Variants in SLC38A2 observed in about 807,000 individuals in gnomAD.
The protein encoded by SLC38A2 is solute carrier family 38 member 2, also known as sodium-coupled neutral amino acid symporter 2.
Under a neutral mutation model 61.5 loss-of-function variants are expected in SLC38A2, and 11 were observed. The observed-to-expected ratio is 0.18, with a 90% CI of 0.11 to 0.30. SLC38A2 has a LOEUF of 0.30. Ranked by LOEUF, SLC38A2 falls within the 10% of genes least tolerant of loss-of-function variation. The pLI, the probability that SLC38A2 is intolerant of heterozygous loss-of-function variation, is 1.00. For synonymous variants in SLC38A2, 217 were observed against 212.5 expected (o/e 1.02, Z -0.18); for missense variants, 522 against 600.4 (o/e 0.87, Z 1.36).
In SLC38A2 at chr12:46,364,715, G is replaced by GT. The variant is rs1247135012; in HGVS notation, c.647-14dup. 4 of 1,598,194 alleles carry GT rather than the reference G, an allele frequency of 2.5e-6. No homozygotes were observed. Among genetic ancestry groups the GT allele is most frequent in the Middle Eastern group, 1.7e-4 (1 of 5,998 alleles). On this transcript the variant is annotated splice_polypyrimidine_tract_variant and intron_variant, in intron 8 of 15. Transcript: ENST00000256689. ...TATCCCAAATATCCTATAAGGAGGGGTGGCAGGAATCAGTATTAGTTTAAT... is the reference window on the plus strand; with the variant it reads ...TATCCCAAATATCCTATAAGGAGGGGTTGGCAGGAATCAGTATTAGTTTAAT...
At position 46,370,958 on chromosome 12, in the gene SLC38A2, C is replaced by G. The variant is rs542493220; in HGVS notation, c.117-101G>C. The G allele has an allele frequency of 8.7e-6, 8 of 919,424 alleles. No homozygotes were observed. In the South Asian group the frequency reaches 9.1e-5, roughly 10 times the overall value. 57.0% of individuals were successfully genotyped at this position (919,424 alleles called of 1,614,324 possible). A position where few individuals can be genotyped will look rare whatever the true frequency, so the allele number is the denominator to read the frequency against. ...TAAAATACCCTCCAACAGCATAGCT[C>G]TGATACAACATCTTTACTTAATGTA... On this transcript the variant is annotated intron_variant, in intron 2 of 15. Transcript: ENST00000256689.
chr12:46,363,323 A>T (rs912470408), intron 12 of SLC38A2, among the ~76,000 whole-genome samples, 178 bp from the exon 13 acceptor site: 1 of 152,022 alleles, frequency 6.6e-6, no homozygotes, highest in Non-Finnish European at 1.5e-5. Context: ...TTGAAGGAAA[A>T]TTTTTCTAAA....
At chr12:46,363,261 A>C (rs1371431976) in intron 12 of SLC38A2, 116 bp from the exon 13 acceptor site, 1 of 1,179,714 alleles carries the variant, frequency 8.5e-7, no homozygotes, top group African/African-American at 1.5e-5. Flanking sequence ...ACTATAAACT[A>C]AGAGGCTAAT....
At position 46,360,955 on chromosome 12, in the gene SLC38A2, A is replaced by C. The variant is rs1943074488; in HGVS notation, c.*156T>G. 5.1e-6 allele frequency: 3 copies of C among 586,836 alleles called. No homozygotes were observed. In the South Asian group the frequency reaches 7.7e-5, roughly 15 times the overall value. 36.4% of individuals were successfully genotyped at this position (586,836 alleles called of 1,614,324 possible). A position where few individuals can be genotyped will look rare whatever the true frequency, so the allele number is the denominator to read the frequency against. On this transcript the variant is annotated 3_prime_UTR_variant, in exon 16 of 16. Transcript: ENST00000256689. Reference sequence around the variant, plus strand: ...AAGTTTCTTAAAAAAACAAAACAAAACAAAAAAGTTCACTTATTCTGCACT... The same window carrying C: ...AAGTTTCTTAAAAAAACAAAACAAACCAAAAAAGTTCACTTATTCTGCACT...
chr12:46,370,889 A>G (rs2120572026), intron 2 of SLC38A2, 32 bp from the exon 3 acceptor site: 1 of 1,515,742 alleles, frequency 6.6e-7, no homozygotes, highest in African/African-American at 1.4e-5. Context: ...ATAATTGTAA[A>G]CTGGATTGAA....
chr12:46,361,119 C>T lies in SLC38A2; in HGVS notation c.1513G>A (p.Gly505Ser). 6.2e-7 allele frequency: 1 copy of T among 1,613,028 alleles called. No individual in the cohort carries two copies. Among genetic ancestry groups the T allele is most frequent in the Non-Finnish European group, 8.5e-7 (1 of 1,179,394 alleles). The change falls in exon 16 of 16, where the codon GGC becomes AGC. Residue 505 changes from glycine (G) to serine (S), a missense_variant. Transcript: ENST00000256689. ...AGTTTGAGTGGTGCCAATTAATGGCCACCTCCAGGTGCATTGTGTACCCAA... is the reference window on the plus strand; with the variant it reads ...AGTTTGAGTGGTGCCAATTAATGGCTACCTCCAGGTGCATTGTGTACCCAA... ...LDWVHNAPGG[G>S]H
chr12:46,360,990 C>A lies in SLC38A2; in HGVS notation c.*121G>T. The A allele has an allele frequency of 1.4e-6, 1 of 711,964 alleles. No individual in the cohort carries two copies. The highest frequency in any genetic ancestry group is 2.3e-6 in the Non-Finnish European group (1 of 428,542). 44.1% of individuals were successfully genotyped at this position (711,964 alleles called of 1,614,324 possible). A position where few individuals can be genotyped will look rare whatever the true frequency, so the allele number is the denominator to read the frequency against. ...TCACTTATTCTGCACTCAGAAGAAC[C>A]AGCGAGGAATCTGCACTTCAAAAGG... is the stretch of plus-strand genomic sequence containing the variant. On this transcript the variant is annotated 3_prime_UTR_variant, in exon 16 of 16. Coordinates refer to ENST00000256689, the MANE Select transcript of SLC38A2 (RefSeq NM_018976.5).
chr12:46,370,076 T>G (rs1034889709), intron 4 of SLC38A2, among the ~76,000 whole-genome samples: 1 of 152,134 alleles, frequency 6.6e-6, no homozygotes, highest in Non-Finnish European at 1.5e-5. Flanking sequence ...TTAGAGAAAT[T>G]TTCTTTTCCT....
chr12:46,370,761 C>T lies in SLC38A2; in HGVS notation c.198+15G>A. The T allele has an allele frequency of 6.3e-7, 1 of 1,596,388 alleles. No homozygotes were observed. Among genetic ancestry groups the T allele is most frequent in the Non-Finnish European group, 8.6e-7 (1 of 1,166,514 alleles). On this transcript the variant is annotated intron_variant, in intron 3 of 15. Transcript: ENST00000256689. The stretch of plus-strand genomic sequence containing the variant: ...CATAAAGCCACTGACAGACAAATTA[C>T]TATTTTTAACTTACAAATTCTGTTT...
chr12:46,369,558 A>T (rs374545248), intron 4 of SLC38A2, among the ~76,000 whole-genome samples: 248 of 152,274 alleles, frequency 1.6e-3, no homozygotes, highest in Middle Eastern at 6.8e-3. Context: ...TGGTTTCCTT[A>T]TCTGTACAAT....
chr12:46,359,887 C>G lies in SLC38A2; in HGVS notation c.*1224G>C, dbSNP rs1943062324. On this transcript the variant is annotated 3_prime_UTR_variant, in exon 16 of 16. Coordinates refer to ENST00000256689, the MANE Select transcript of SLC38A2 (RefSeq NM_018976.5). ...CCAGTGCAAATGAGTTTTTATAAAG[C>G]TTACTGCATGAGAAACCCAGTGGCC... is the stretch of plus-strand genomic sequence containing the variant. 1 of 152,612 alleles carries G rather than the reference C, an allele frequency of 6.6e-6. No individual in the cohort carries two copies. The highest frequency in any genetic ancestry group is 1.5e-5 in the Non-Finnish European group (1 of 68,024). 9.5% of individuals were successfully genotyped at this position (152,612 alleles called of 1,614,324 possible).
chr12:46,362,015 C>A (rs1045826630), intron 15 of SLC38A2: 1 of 275,204 alleles, frequency 3.6e-6, no homozygotes, highest in African/African-American at 2.2e-5. Flanking sequence ...ATGTTGAAAG[C>A]TGAGTATCTC....
Position 46,359,630 on chromosome 12 carries a change from TACC to T in SLC38A2, c.*1478_*1480del, listed in dbSNP as rs538602716. ...TAGACATTATGCCTGATGAGCGAAG[TACC>T]ACATTATTTAATAATATATTCACCA... is the stretch of plus-strand genomic sequence containing the variant. On this transcript the variant is annotated 3_prime_UTR_variant, in exon 16 of 16. Coordinates refer to ENST00000256689, the MANE Select transcript of SLC38A2 (RefSeq NM_018976.5). 1.2e-4 allele frequency: 18 copies of T among 152,648 alleles called. No individual in the cohort carries two copies. The highest frequency in any genetic ancestry group is 6.2e-4 in the South Asian group (3 of 4,830). The allele number at this position is 152,648 out of a possible 1,614,324, so 9.5% of individuals were successfully genotyped here. A position where few individuals can be genotyped will look rare whatever the true frequency, so the allele number is the denominator to read the frequency against.
intron 13 of SLC38A2, 144 bp from the exon 14 acceptor site, chr12:46,362,782 T>C: frequency 9.9e-7 from 1 of 1,015,022 alleles, no homozygotes; most frequent in Non-Finnish European, 1.4e-6. Flanking sequence ...CTGTGCCTCT[T>C]TCTCTGCTGT....
intron 10 of SLC38A2, 55 bp downstream of exon 10, chr12:46,364,334 T>C: frequency 6.7e-7 from 1 of 1,492,860 alleles, no homozygotes; most frequent in South Asian, 1.4e-5. Context: ...AGTGAATAGC[T>C]TCCCTCTTTT....
rs1425628818 is a variant in SLC38A2 at position 46,362,310 on chromosome 12, G to A, written c.1396C>T (p.Pro466Ser). 2.5e-6 allele frequency: 4 copies of A among 1,611,704 alleles called. No individual in the cohort carries two copies. Among genetic ancestry groups the A allele is most frequent in the Admixed American group, 3.4e-5 (2 of 59,692 alleles). ...AFYIKLVKKE[P>S]MKSVQKIGAL... The stretch of plus-strand genomic sequence containing the variant: ...CCAATCTTTTGTACAGATTTCATAG[G>A]TTCTTTCTTCACCAACTTGATATAG... Residue 466 changes from proline to serine, a missense_variant, in exon 15 of 16, where the codon CCT (proline) becomes TCT (serine). Physicochemically the swap from Pro to Ser is moderately conservative, Grantham distance 74. Around this residue, in one of 3 missense-constraint regions of SLC38A2, gnomAD observed 309 missense variants for 343.9 expected, o/e 0.90. Coordinates refer to ENST00000256689, the MANE Select transcript of SLC38A2 (RefSeq NM_018976.5).
At chr12:46,366,726 G>C in intron 7 of SLC38A2, 138 bp downstream of exon 7, 1 of 751,048 alleles carries the variant, frequency 1.3e-6, no homozygotes. Flanking sequence ...TTACGGGGAT[G>C]GGGGGCCTTC....
At chr12:46,369,579 A>AG (rs758783304) in intron 4 of SLC38A2, among the ~76,000 whole-genome samples, 19 of 152,188 alleles carry the variant, frequency 1.2e-4, no homozygotes, top group Non-Finnish European at 2.5e-4. Context: ...GAAGGTATTA[A>AG]GTTACACAAT....
rs2307060 is a variant in SLC38A2 at position 46,364,846 on chromosome 12, T to C, written c.647-144A>G. The C allele has an allele frequency of 9.0e-4, 642 of 716,332 alleles. 8 individuals carry two copies. In the East Asian group the frequency reaches 0.017, roughly 19 times the overall value. 44.4% of individuals were successfully genotyped at this position (716,332 alleles called of 1,614,324 possible). ...TATAGCACTAAATTTCTAATTCTTA[T>C]GATACTAAATTATAGATTTATTTAA... On this transcript the variant is annotated intron_variant, in intron 8 of 15. Coordinates refer to ENST00000256689, the MANE Select transcript of SLC38A2 (RefSeq NM_018976.5).
Sources: allele counts gnomAD v4.1 joint callset (sites outside exome capture counted in the v4.1 genomes callset), GRCh38; gene constraint gnomAD v4.1.1; regional missense constraint gnomAD v4.1.1; transcripts MANE v1.5; gene names NCBI Gene and HGNC (gene_info 2026-07-23, HGNC 2026-07-21).